EVC: variants seen among roughly 807,000 people sequenced by gnomAD.
The protein encoded by EVC is EvC ciliary complex subunit 1.
A neutral mutation model predicts 118.9 loss-of-function variants in EVC; 116 were observed. The observed-to-expected ratio is 0.98, with a 90% confidence interval of 0.84 to 1.14. The LOEUF (loss-of-function observed/expected upper bound fraction) is 1.14, where lower values mean the gene tolerates loss of function less well. Among genes scored for constraint, EVC ranks in the 50% most tolerant of loss-of-function variants. The pLI is 0.00. For synonymous variants in EVC, 619 were observed against 534.7 expected, an observed-to-expected ratio of 1.16 and a Z score of -2.18; for missense variants, 1,401 against 1,246.4, an observed-to-expected ratio of 1.12 and a Z score of -1.87.
chr4:5,773,820 C>T (rs144466153), intron 11 of EVC, among the ~76,000 whole-genome samples: 497 of 152,224 alleles, frequency 3.3e-3, no homozygotes, highest in Middle Eastern at 0.027. Flanking sequence ...TCTCCAGGAC[C>T]CACTTGTCAG....
In EVC at chr4:5,798,529, C is replaced by T; in HGVS notation, c.2098-57C>T. ...ACCAGCCCCACATCCCAGTCCTGGCCAGAGCTTCTCTGTGAGAGGAGCACT... is the reference window on the plus strand; with the variant it reads ...ACCAGCCCCACATCCCAGTCCTGGCTAGAGCTTCTCTGTGAGAGGAGCACT... On this transcript the variant is annotated intron_variant, in intron 14 of 20. Coordinates refer to ENST00000264956, the MANE Select transcript of EVC (RefSeq NM_153717.3). This position sits in a 1 kb window ranked among gnomAD's most constrained non-coding sequence, Gnocchi z 4.1. 1 of 1,522,976 alleles carries T rather than the reference C, an allele frequency of 6.6e-7. No individual in the cohort carries two copies. Among genetic ancestry groups the T allele is most frequent in the Non-Finnish European group, 8.9e-7 (1 of 1,123,224 alleles). 94.3% of individuals were successfully genotyped at this position (1,522,976 alleles called of 1,614,324 possible). A position where few individuals can be genotyped will look rare whatever the true frequency, so the allele number is the denominator to read the frequency against.
intron 13 of EVC, 37 bp from the exon 14 acceptor site, chr4:5,796,985 G>A (rs1714075849): frequency 2.0e-6 from 3 of 1,491,712 alleles, no homozygotes; most frequent in East Asian, 4.5e-5. Context: ...GTGAAGCCAA[G>A]AGCATTGACC....
At chr4:5,740,510 A>G (rs1237618287) in intron 5 of EVC, among the ~76,000 whole-genome samples, 2 of 151,904 alleles carry the variant, frequency 1.3e-5, no homozygotes, top group Admixed American at 1.3e-4. Flanking sequence ...ATATAAGAGA[A>G]ATTCTCCAGG....
chr4:5,828,797 CTT>C, the EVC span: 5 of 1,118,276 alleles, frequency 4.5e-6, no homozygotes, highest in African/African-American at 3.3e-5. Context: ...CTAAAAATAC[CTT>C]TTATTGACTG....
At chr4:5,799,042 A>G (rs1714499812) in intron 15 of EVC, among the ~76,000 whole-genome samples, 1 of 152,148 alleles carries the variant, frequency 6.6e-6, no homozygotes. Context: ...CATCCTGAGC[A>G]CTGGCTCTGT....
intron 6 of EVC, among the ~76,000 whole-genome samples, chr4:5,744,227 T>A (rs10020512): frequency 0.1 from 15,236 of 152,238 alleles, 863 homozygotes; most frequent in South Asian, 0.14. Flanking sequence ...GGACAAACTA[T>A]CTTACCTTCC....
chr4:5,758,129 CAGA>C (rs1731461829), intron 11 of EVC: 2 of 702,100 alleles, frequency 2.8e-6, no homozygotes, highest in Admixed American at 2.0e-5. Flanking sequence ...TGTTTGAAGA[CAGA>C]AGGAGGGACT....
chr4:5,775,574 T>C (rs974211573), intron 11 of EVC, among the ~76,000 whole-genome samples: 9 of 152,170 alleles, frequency 5.9e-5, no homozygotes, highest in African/African-American at 2.2e-4. Context: ...TCACTCAACT[T>C]GATATTTGAG....
rs1244413593 is a variant in EVC, at chr4:5,755,422, G to A, written c.1465-842G>A. 1.5e-5 allele frequency among the ~76,000 whole-genome samples: 2 copies of A among 137,330 alleles called. No individual in the cohort carries two copies. The highest frequency in any genetic ancestry group is 5.9e-5 in the African/African-American group (2 of 34,042). 90.1% of individuals were successfully genotyped at this position (137,330 alleles called of 152,430 possible). On this transcript the variant is annotated intron_variant, in intron 10 of 20. Coordinates refer to ENST00000264956, the MANE Select transcript of EVC (RefSeq NM_153717.3). The surrounding 1 kb of genome is among the most constrained non-coding windows in gnomAD (Gnocchi z 4.1). ...AGGACATGGACAAATGGGCAAACGA[G>A]CGAATGAAGGAGGATGGAATGGGTG...
chr4:5,777,561 A>T (rs1287711308), intron 11 of EVC, among the ~76,000 whole-genome samples: 2 of 152,206 alleles, frequency 1.3e-5, no homozygotes, highest in Admixed American at 1.3e-4. Context: ...ACCTTGGCCC[A>T]TGTACTCATC....
intron 11 of EVC, chr4:5,758,055 A>T (rs1309947443): frequency 1.4e-6 from 1 of 702,370 alleles, no homozygotes; most frequent in Admixed American, 2.0e-5. Flanking sequence ...GTGGGCCCTA[A>T]TTCTAATGGC....
At chr4:5,739,815 C>T (rs1220421681) in intron 5 of EVC, among the ~76,000 whole-genome samples, 2 of 150,702 alleles carry the variant, frequency 1.3e-5, no homozygotes, top group African/African-American at 2.4e-5. Context: ...CCTATAATCC[C>T]AGCACTTTGG....
rs1305874018 is a variant in EVC at position 5,798,968 on chromosome 4, A to T, written c.2304+176A>T. ...TAAGGTGGGATCTTCTCCCTCGCAG[A>T]ATGGGGAGGGGCAGTCGCAGCAGAT... On this transcript the variant is annotated intron_variant, in intron 15 of 20. Coordinates refer to ENST00000264956, the MANE Select transcript of EVC (RefSeq NM_153717.3). The surrounding 1 kb of genome is among the most constrained non-coding windows in gnomAD (Gnocchi z 4.1). Among the ~76,000 whole-genome samples, 1 of 152,060 alleles carries T rather than the reference A, an allele frequency of 6.6e-6. No individual in the cohort carries two copies. Among genetic ancestry groups the T allele is most frequent in the African/African-American group, 2.4e-5 (1 of 41,404 alleles).
At chr4:5,783,081 C>T (rs1044231534) in intron 11 of EVC, among the ~76,000 whole-genome samples, 2 of 149,344 alleles carry the variant, frequency 1.3e-5, no homozygotes, top group Admixed American at 6.6e-5. Flanking sequence ...CAAGGCTGTG[C>T]GTGTGTGCGT....
At chr4:5,770,809 C>T (rs972858231) in intron 11 of EVC, among the ~76,000 whole-genome samples, 2 of 152,042 alleles carry the variant, frequency 1.3e-5, no homozygotes, top group African/African-American at 4.8e-5. Flanking sequence ...GTCCAGAGCT[C>T]AAGACCAGCC....
intron 11 of EVC, among the ~76,000 whole-genome samples, chr4:5,769,646 A>C (rs941192537): frequency 2.0e-5 from 3 of 152,062 alleles, no homozygotes; most frequent in African/African-American, 7.3e-5. Flanking sequence ...ATCCCATTCC[A>C]GGGGCCACAC....
intron 1 of EVC, among the ~76,000 whole-genome samples, chr4:5,713,770 G>T (rs896168414): frequency 3.3e-5 from 5 of 151,860 alleles, no homozygotes; most frequent in African/African-American, 9.7e-5. Context: ...AGGTGTGGTG[G>T]TGCATGCCTG....
the EVC span, chr4:5,821,721 C>A: frequency 6.5e-7 from 1 of 1,547,482 alleles, no homozygotes; most frequent in South Asian, 1.2e-5. This position sits in a 1 kb window ranked among gnomAD's most constrained non-coding sequence, Gnocchi z 4.4. Context: ...GGACATGATT[C>A]CCAGAATCCT....
intron 17 of EVC, among the ~76,000 whole-genome samples, chr4:5,807,867 T>C (rs1440173944): frequency 6.6e-6 from 1 of 152,250 alleles, no homozygotes; most frequent in African/African-American, 2.4e-5. Flanking sequence ...CACAGACGTG[T>C]GTCCTGAGGG....
Sources: gnomAD v4.1 joint callset for allele counts (sites outside exome capture counted in the v4.1 genomes callset) on GRCh38, gnomAD v4.1.1 for gene constraint, Gnocchi (gnomAD v3.1) non-coding constraint, MANE v1.5 for transcripts, NCBI Gene and HGNC (gene_info 2026-07-23, HGNC 2026-07-21) for gene names.